The following SKA2 variants were observed in gnomAD, a reference collection of about 807,000 sequenced individuals.
SKA2 encodes the protein spindle and kinetochore-associated protein 2.
SKA2 carries 13 observed loss-of-function variants against 16.9 expected under a neutral mutation model. The ratio of observed to expected loss-of-function variants is 0.77; its 90% confidence interval spans 0.50 to 1.22. SKA2 has a LOEUF of 1.22. Ranked by LOEUF, SKA2 falls within the 50% of genes most tolerant of loss-of-function variation. The pLI is 0.00. For missense variants in SKA2, 107 were observed against 139.7 expected (o/e 0.77, Z 1.18); for synonymous variants, 47 against 48.5 (o/e 0.97, Z 0.13).
chr17:59,120,918 C>T (rs1297064177), intron 2 of SKA2, among the ~76,000 whole-genome samples: 3 of 151,936 alleles, frequency 2.0e-5, no homozygotes, highest in Non-Finnish European at 4.4e-5. Flanking sequence ...TTTGGGAGGC[C>T]GAGGCGGGCA....
chr17:59,123,238 A>C (rs545746545), intron 2 of SKA2, among the ~76,000 whole-genome samples: 1,695 of 127,736 alleles, frequency 0.013, 12 homozygotes, highest in Middle Eastern at 0.05. Flanking sequence ...ATAGTACAAA[A>C]TTCTTTTTTT....
At chr17:59,122,376 CAA>C (rs2046341055) in intron 2 of SKA2, among the ~76,000 whole-genome samples, 1 of 152,050 alleles carries the variant, frequency 6.6e-6, no homozygotes, top group South Asian at 2.1e-4. Flanking sequence ...TTTGGGAGAC[CAA>C]GAGGGGCAGA....
At chr17:59,125,672 A>G (rs1332968089) in intron 2 of SKA2, among the ~76,000 whole-genome samples, 1 of 147,500 alleles carries the variant, frequency 6.8e-6, no homozygotes, top group African/African-American at 2.5e-5. Context: ...CGACAGGGTG[A>G]GACTCCGTCT....
chr17:59,113,426 G>A (rs575826369), intron 3 of SKA2, among the ~76,000 whole-genome samples: 1 of 152,008 alleles, frequency 6.6e-6, no homozygotes, highest in African/African-American at 2.4e-5. Context: ...AGGAGGCTGA[G>A]TTGGGAGAAT....
At chr17:59,146,503 T>G (rs2046533613) in intron 1 of SKA2, among the ~76,000 whole-genome samples, 1 of 151,832 alleles carries the variant, frequency 6.6e-6, no homozygotes, top group African/African-American at 2.4e-5. Context: ...TGTCTCAAAA[T>G]AAATAAATAA....
At chr17:59,119,199 T>C (rs1016696254) in intron 3 of SKA2, 120 bp downstream of exon 3, 2 of 1,079,790 alleles carry the variant, frequency 1.9e-6, no homozygotes, top group African/African-American at 3.2e-5. Flanking sequence ...ATCAGGAAAA[T>C]CTTTCAATAG....
chr17:59,130,030 A>G (rs556764205), intron 2 of SKA2, among the ~76,000 whole-genome samples: 1 of 132,242 alleles, frequency 7.6e-6, no homozygotes, highest in South Asian at 3.0e-4. Flanking sequence ...GGAGGAAGAG[A>G]GAAAGAGGCG....
intron 1 of SKA2, chr17:59,137,667 G>A (rs775396876): frequency 1.6e-5 from 7 of 425,242 alleles, no homozygotes; most frequent in Admixed American, 7.3e-5. Context: ...TTACATTTAA[G>A]CCTCAGATTT....
At chr17:59,121,147 G>A (rs1157490173) in intron 2 of SKA2, among the ~76,000 whole-genome samples, 6 of 120,680 alleles carry the variant, frequency 5.0e-5, no homozygotes, top group African/African-American at 1.6e-4. Context: ...GGGAGACTCC[G>A]TCTCAAAAAA....
In SKA2 at chr17:59,112,280, T is replaced by C; in HGVS notation, c.363A>G (p.Leu121=). Residue 121 remains leucine, a synonymous_variant, in exon 4 of 4, where the codon TTA becomes TTG. Transcript: ENST00000330137. ...TTTCCTTTCCAAGTCCATTTCTTCA[T>C]AAATCTGGCATGTGAAATTTGAATT... is the stretch of plus-strand genomic sequence containing the variant. ...AEQFKFHMPD[L] is the part of the protein sequence containing the mutation. 1 of 1,609,386 alleles carries C rather than the reference T, an allele frequency of 6.2e-7. No homozygotes were observed. Among genetic ancestry groups the C allele is most frequent in the South Asian group, 1.1e-5 (1 of 90,380 alleles).
chr17:59,139,164 G>A (rs2046468358), intron 1 of SKA2, among the ~76,000 whole-genome samples: 2 of 152,100 alleles, frequency 1.3e-5, no homozygotes, highest in African/African-American at 4.8e-5. Flanking sequence ...TTGGGAGGCT[G>A]AGGCGGGCGG....
At chr17:59,142,170 T>C (rs1415863467) in intron 1 of SKA2, among the ~76,000 whole-genome samples, 1 of 152,182 alleles carries the variant, frequency 6.6e-6, no homozygotes, top group East Asian at 1.9e-4. Context: ...TTATTCACTT[T>C]ACCACAATTC....
intron 3 of SKA2, among the ~76,000 whole-genome samples, chr17:59,117,099 G>A (rs772070949): frequency 9.9e-5 from 15 of 151,988 alleles, no homozygotes; most frequent in Non-Finnish European, 1.9e-4. Context: ...ACAGGTGTGA[G>A]CCACCGCACC....
intron 2 of SKA2, among the ~76,000 whole-genome samples, chr17:59,130,107 C>CT (rs1392481733): frequency 6.6e-6 from 1 of 151,694 alleles, no homozygotes; most frequent in Non-Finnish European, 1.5e-5. Context: ...GAATAGGGAG[C>CT]TAGAACAGTA....
chr17:59,138,883 C>A (rs2046465940), intron 1 of SKA2, among the ~76,000 whole-genome samples: 1 of 152,156 alleles, frequency 6.6e-6, no homozygotes, highest in Non-Finnish European at 1.5e-5. Flanking sequence ...AAAACACTTG[C>A]TTTTTACAAA....
chr17:59,110,900 T>C lies in SKA2; in HGVS notation c.*1377A>G, dbSNP rs980877225. 1 of 152,212 alleles carries C rather than the reference T, an allele frequency of 6.6e-6. No homozygotes were observed. Among genetic ancestry groups the C allele is most frequent in the African/African-American group, 2.4e-5 (1 of 41,438 alleles). 9.4% of individuals were successfully genotyped at this position (152,212 alleles called of 1,614,324 possible). A position where few individuals can be genotyped will look rare whatever the true frequency, so the allele number is the denominator to read the frequency against. On this transcript the variant is annotated 3_prime_UTR_variant, in exon 4 of 4. Coordinates refer to ENST00000330137, the MANE Select transcript of SKA2 (RefSeq NM_182620.4). ...CCCTGTTTTTCAGCTATTATAAGTTTGTTAATGGACAAACATGTTCATAAC... is the reference window on the plus strand; with the variant it reads ...CCCTGTTTTTCAGCTATTATAAGTTCGTTAATGGACAAACATGTTCATAAC...
At chr17:59,135,222 C>A (rs906259260) in intron 1 of SKA2, among the ~76,000 whole-genome samples, 1 of 151,106 alleles carries the variant, frequency 6.6e-6, no homozygotes, top group South Asian at 2.1e-4. Context: ...CAAAAAGAGG[C>A]GGTTTCTACT....
At chr17:59,144,630 A>G (rs1388175229) in intron 1 of SKA2, among the ~76,000 whole-genome samples, 2 of 152,210 alleles carry the variant, frequency 1.3e-5, no homozygotes, top group African/African-American at 4.8e-5. Context: ...AAATGGATGA[A>G]TCTTGAGAAC....
In SKA2 at chr17:59,139,123, C is replaced by T. The variant is rs140097378; in HGVS notation, c.34-7756G>A. Among the ~76,000 whole-genome samples the T allele has an allele frequency of 2.5e-4, 38 of 152,186 alleles. 2 individuals are homozygous for T. In the East Asian group the frequency reaches 7.4e-3, roughly 30 times the overall value. Reference sequence around the variant, plus strand: ...CTTAGAAATGCATTTTCCGGCTGGGCGCAGTGGCTCACGCCTGTAATCCCA... The same window carrying T: ...CTTAGAAATGCATTTTCCGGCTGGGTGCAGTGGCTCACGCCTGTAATCCCA... On this transcript the variant is annotated intron_variant, in intron 1 of 3. Coordinates refer to ENST00000330137, the MANE Select transcript of SKA2 (RefSeq NM_182620.4).
Sources: allele counts gnomAD v4.1 joint callset (sites outside exome capture counted in the v4.1 genomes callset), GRCh38; gene constraint gnomAD v4.1.1; transcripts MANE v1.5; gene names NCBI Gene and HGNC (gene_info 2026-07-23, HGNC 2026-07-21).